SGK1: variants seen among roughly 807,000 people sequenced by gnomAD.
SGK1 encodes serine/threonine-protein kinase Sgk1.
SGK1 carries 26 observed loss-of-function variants against 64.2 expected under a neutral mutation model. That is an observed-to-expected ratio of 0.40 (90% CI 0.30 to 0.56). SGK1 has a LOEUF of 0.56. Among genes scored for constraint, SGK1 ranks in the 20% least tolerant of loss-of-function variants. The probability of loss-of-function intolerance (pLI) is 0.38; values close to 1 mark genes in which losing one functional copy is unlikely to be tolerated. For missense variants in SGK1, 519 were observed against 645.6 expected, an observed-to-expected ratio of 0.80 and a Z score of 2.12; for synonymous variants, 265 against 239.7, an observed-to-expected ratio of 1.11 and a Z score of -0.98.
intron 1 of SGK1, among the ~76,000 whole-genome samples, chr6:134,302,714 A>C (rs1777476136): frequency 6.6e-6 from 1 of 152,136 alleles, no homozygotes; most frequent in South Asian, 2.1e-4. Flanking sequence ...TAGGTCATTT[A>C]ATCCTCATAA....
chr6:134,183,815 C>G (rs986543263), intron 3 of SGK1, among the ~76,000 whole-genome samples: 3 of 152,088 alleles, frequency 2.0e-5, no homozygotes, highest in Non-Finnish European at 4.4e-5. Context: ...TAATGTCCCA[C>G]ACCCAGCTGA....
chr6:134,171,770 C>T (rs758940177), intron 10 of SGK1, 38 bp from the exon 11 acceptor site: 6 of 1,364,484 alleles, frequency 4.4e-6, no homozygotes, highest in East Asian at 4.6e-5. Context: ...TTAGAACCTG[C>T]GAAAGCAAGC....
rs780554551 is a variant in SGK1, at chr6:134,215,130, C to CT, written c.286-7700dup. 7.3e-3 allele frequency: 2,487 copies of CT among 342,448 alleles called. 8 individuals carry two copies. The highest frequency in any genetic ancestry group is 0.011 in the African/African-American group (446 of 39,252). The allele number at this position is 342,448 out of a possible 1,614,324, so 21.2% of individuals were successfully genotyped here. A position where few individuals can be genotyped will look rare whatever the true frequency, so the allele number is the denominator to read the frequency against. ...ACATGAGAGTAAGTTTTCTTTCTTT[C>CT]TTTCTTTTTTTTTTTTTGAGAGAGC... On this transcript the variant is annotated intron_variant, in intron 2 of 13. Transcript: ENST00000367858.
At chr6:134,291,223 A>G (rs564494597) in intron 1 of SGK1, among the ~76,000 whole-genome samples, 2 of 152,322 alleles carry the variant, frequency 1.3e-5, no homozygotes, top group South Asian at 4.1e-4. Flanking sequence ...CCAGAGGAGA[A>G]TCAATCAGGC....
intron 3 of SGK1, among the ~76,000 whole-genome samples, chr6:134,201,350 A>G (rs11757006): frequency 0.57 from 85,173 of 149,584 alleles, 24,710 homozygotes; most frequent in Non-Finnish European, 0.61. Flanking sequence ...GTGAGCCACC[A>G]CACCCAGCCT....
intron 2 of SGK1, among the ~76,000 whole-genome samples, chr6:134,230,643 A>G (rs1234147375): frequency 1.3e-5 from 2 of 152,102 alleles, no homozygotes; most frequent in Non-Finnish European, 2.9e-5. Flanking sequence ...GATTATGGGG[A>G]TTACAATTCA....
At chr6:134,263,438 G>C (rs1209569256) in intron 1 of SGK1, among the ~76,000 whole-genome samples, 1 of 148,686 alleles carries the variant, frequency 6.7e-6, no homozygotes, top group Non-Finnish European at 1.5e-5. Context: ...GTCTCACTAA[G>C]TTGCGCAGGC....
rs1243670154 is a variant in SGK1 at position 134,174,968 on chromosome 6, GC to G, written c.362-383del. On this transcript the variant is annotated intron_variant, in intron 3 of 13. Transcript: ENST00000367858. ...CGCCCTTCGCCTCGCCCCTCGCCCCGCCCCGGCCGCCTCGCGGTTTGCTGGC... is the reference window on the plus strand; with the variant it reads ...CGCCCTTCGCCTCGCCCCTCGCCCCGCCCGGCCGCCTCGCGGTTTGCTGGC... 75 of 1,353,376 alleles carry G rather than the reference GC, an allele frequency of 5.5e-5. No homozygotes were observed. The African/African-American group carries it at 9.9e-4, about 18-fold the overall frequency. 83.8% of individuals were successfully genotyped at this position (1,353,376 alleles called of 1,614,324 possible). A position where few individuals can be genotyped will look rare whatever the true frequency, so the allele number is the denominator to read the frequency against.
At chr6:134,193,063 G>A (rs988831235) in intron 3 of SGK1, among the ~76,000 whole-genome samples, 2 of 152,122 alleles carry the variant, frequency 1.3e-5, no homozygotes, top group Non-Finnish European at 2.9e-5. Flanking sequence ...GTTATTAAGG[G>A]CATATGTTCA....
intron 3 of SGK1, among the ~76,000 whole-genome samples, chr6:134,177,170 C>T (rs971538636): frequency 1.3e-5 from 2 of 152,074 alleles, no homozygotes; most frequent in Non-Finnish European, 2.9e-5. Flanking sequence ...GCCGAGATCA[C>T]GCCACTGCAC....
chr6:134,177,756 C>A (rs747669459), intron 3 of SGK1: 1 of 1,613,936 alleles, frequency 6.2e-7, no homozygotes, highest in Admixed American at 1.7e-5. Flanking sequence ...GGAGGTAGAG[C>A]CCAGTTATGG....
chr6:134,197,682 C>T (rs1242846929), intron 3 of SGK1, among the ~76,000 whole-genome samples: 2 of 151,580 alleles, frequency 1.3e-5, no homozygotes, highest in Non-Finnish European at 2.9e-5. Flanking sequence ...AAAAATTAGC[C>T]AGGCATGGTG....
At chr6:134,290,070 AAC>A (rs957973291) in intron 1 of SGK1, among the ~76,000 whole-genome samples, 2 of 150,308 alleles carry the variant, frequency 1.3e-5, no homozygotes, top group African/African-American at 4.9e-5. Flanking sequence ...GGATTGTTTG[AAC>A]CCGTGAGGGG....
At position 134,174,501 on chromosome 6, in the gene SGK1, T is replaced by G. The variant is rs1775145366; in HGVS notation, c.437+10A>C. 6.2e-7 allele frequency: 1 copy of G among 1,604,048 alleles called. No homozygotes were observed. The highest frequency in any genetic ancestry group is 1.3e-5 in the African/African-American group (1 of 74,692). ...ATACTAGTTATTTCCTCAAATCCGG[T>G]CAAACTTACTGTTTGCATGCATAGG... is the stretch of plus-strand genomic sequence containing the variant. On this transcript the variant is annotated intron_variant, in intron 4 of 13. Transcript: ENST00000367858.
At chr6:134,314,538 C>T (rs1222389144) in intron 1 of SGK1, among the ~76,000 whole-genome samples, 1 of 152,210 alleles carries the variant, frequency 6.6e-6, no homozygotes, top group Non-Finnish European at 1.5e-5. Context: ...TCACACTTTG[C>T]ACATTTAATA....
chr6:134,177,626 T>C, intron 3 of SGK1: 1 of 1,570,298 alleles, frequency 6.4e-7, no homozygotes, highest in Non-Finnish European at 8.8e-7. Flanking sequence ...CCAAATCCTT[T>C]GAGGCATCTG....
intron 1 of SGK1, among the ~76,000 whole-genome samples, chr6:134,315,687 G>A (rs562930322): frequency 5.6e-4 from 85 of 152,306 alleles, no homozygotes; most frequent in African/African-American, 2.0e-3. Flanking sequence ...AGGCAATAGA[G>A]TTTAAATACT....
chr6:134,265,829 G>A lies in SGK1; in HGVS notation c.70-3681C>T, dbSNP rs137979232. Among the ~76,000 whole-genome samples, 539 of 151,090 alleles carry A rather than the reference G, an allele frequency of 3.6e-3. 5 individuals carry two copies. The highest frequency in any genetic ancestry group is 9.7e-3 in the African/African-American group (400 of 41,192). ...TATATACATTTCTTTAAAAAATAGA[G>A]TCTCACCATGTTGGTCAAGCCAAGC... On this transcript the variant is annotated intron_variant, in intron 1 of 13. Transcript: ENST00000367858.
At chr6:134,171,255 T>C (rs57787286) in intron 11 of SGK1, 77 bp from the exon 12 acceptor site, 2 of 1,308,210 alleles carry the variant, frequency 1.5e-6, no homozygotes, top group East Asian at 2.3e-5. Context: ...GAAAAAGATA[T>C]AAACGGCAAT....
Sources: gnomAD v4.1 joint callset for allele counts (sites outside exome capture counted in the v4.1 genomes callset) on GRCh38, gnomAD v4.1.1 for gene constraint, MANE v1.5 for transcripts, NCBI Gene and HGNC (gene_info 2026-07-23, HGNC 2026-07-21) for gene names.